The following KLF8 variants were observed in gnomAD, a reference collection of about 807,000 sequenced individuals.
KLF8 encodes the protein Krueppel-like factor 8.
A neutral mutation model predicts 18.2 loss-of-function variants in KLF8; 10 were observed. The ratio of observed to expected loss-of-function variants is 0.55; its 90% CI spans 0.34 to 0.93. KLF8 has a LOEUF of 0.93. Among genes scored for constraint, KLF8 ranks in the 40% least tolerant of loss-of-function variants. KLF8 has a pLI of 0.02. For missense variants in KLF8, 264 were observed against 277.9 expected, an observed-to-expected ratio of 0.95 and a Z score of 0.36; for synonymous variants, 109 against 97.3, an observed-to-expected ratio of 1.12 and a Z score of -0.71.
At chrX:56,247,073 T>C (rs1040748048) in intron 1 of KLF8, among the ~76,000 whole-genome samples, 4 of 111,831 alleles carry the variant, frequency 3.6e-5, no homozygotes, top group Non-Finnish European at 5.6e-5. Flanking sequence ...AATACATCCT[T>C]AGACAATTTT....
chrX:56,251,869 G>T (rs1002946138), intron 2 of KLF8, among the ~76,000 whole-genome samples: 9 of 111,437 alleles, frequency 8.1e-5, no homozygotes, highest in Admixed American at 1.9e-4. Context: ...GGAGAATGGG[G>T]TATCCATCCC....
chrX:55,930,121 C>T, the KLF8 span, among the ~76,000 whole-genome samples: 1,505 of 111,093 alleles, frequency 0.014, 12 homozygotes, highest in Non-Finnish European at 0.023. Context: ...TGGATTCCTA[C>T]GTTTTTTATT....
the KLF8 span, among the ~76,000 whole-genome samples, chrX:55,945,612 C>T: frequency 1.8e-5 from 2 of 111,123 alleles, no homozygotes; most frequent in African/African-American, 6.6e-5. Context: ...CACTCCTATT[C>T]AACATAGTGT....
chrX:56,268,080 A>C (rs2066994388), intron 3 of KLF8: 1 of 110,949 alleles, frequency 9.0e-6, no homozygotes, highest in East Asian at 2.8e-4. Context: ...GGCATATTTC[A>C]CTTAACATAA....
the KLF8 span, among the ~76,000 whole-genome samples, chrX:55,995,506 G>A: frequency 8.9e-6 from 1 of 111,975 alleles, no homozygotes; most frequent in Admixed American, 9.4e-5. Context: ...GTGTTTTTGT[G>A]GTGGCCAGTA....
chrX:56,089,072 A>G, the KLF8 span, among the ~76,000 whole-genome samples: 1 of 111,191 alleles, frequency 9.0e-6, no homozygotes, highest in Non-Finnish European at 1.9e-5. Context: ...ATTACTTACT[A>G]GTTTTATAAA....
the KLF8 span, among the ~76,000 whole-genome samples, chrX:56,034,820 T>A: frequency 1.1e-5 from 1 of 90,773 alleles, no homozygotes; most frequent in Non-Finnish European, 2.1e-5. Context: ...CAGTGGCGCG[T>A]TCTCGGCTCA....
At chrX:56,267,535 A>G (rs907763524) in intron 3 of KLF8, 1 of 110,833 alleles carries the variant, frequency 9.0e-6, no homozygotes, top group Non-Finnish European at 1.9e-5. Context: ...GAGAGATACA[A>G]TTCAAGTTGA....
intron 2 of KLF8, among the ~76,000 whole-genome samples, chrX:56,251,321 G>A (rs1434253531): frequency 8.9e-6 from 1 of 111,950 alleles, no homozygotes; most frequent in African/African-American, 3.2e-5. Context: ...ATCACCTATA[G>A]ACTTGAGTAT....
the KLF8 span, among the ~76,000 whole-genome samples, chrX:56,044,041 A>C: frequency 8.9e-6 from 1 of 111,843 alleles, no homozygotes; most frequent in African/African-American, 3.3e-5. Flanking sequence ...TTTTTTGAAC[A>C]GTCAGGCCAC....
At chrX:56,080,418 G>A in the KLF8 span, among the ~76,000 whole-genome samples, 252 of 110,712 alleles carry the variant, frequency 2.3e-3, 2 homozygotes, top group Non-Finnish European at 5.5e-4. Flanking sequence ...AGCTTAGTTT[G>A]GCTGGATATG....
At chrX:56,083,860 G>A in the KLF8 span, among the ~76,000 whole-genome samples, 1 of 111,587 alleles carries the variant, frequency 9.0e-6, no homozygotes, top group Non-Finnish European at 1.9e-5. Context: ...GATAATCTGA[G>A]GTGGAACAGC....
At chrX:56,006,080 AG>A in the KLF8 span, among the ~76,000 whole-genome samples, 1 of 112,210 alleles carries the variant, frequency 8.9e-6, no homozygotes, top group Non-Finnish European at 1.9e-5. Flanking sequence ...AGTCCCCTTA[AG>A]GCTAAAGTCT....
At chrX:56,187,199 C>T in the KLF8 span, among the ~76,000 whole-genome samples, 5 of 111,532 alleles carry the variant, frequency 4.5e-5, no homozygotes, top group African/African-American at 6.5e-5. Context: ...ATATCACCAT[C>T]GATCCCACAG....
the KLF8 span, among the ~76,000 whole-genome samples, chrX:56,177,173 G>T: frequency 9.0e-6 from 1 of 111,566 alleles, no homozygotes; most frequent in African/African-American, 3.3e-5. Context: ...AGGAGGAGAG[G>T]CGCTCTGATT....
the KLF8 span, among the ~76,000 whole-genome samples, chrX:56,144,598 A>T: frequency 1.9e-5 from 2 of 106,644 alleles, no homozygotes; most frequent in African/African-American, 3.4e-5. Context: ...AAATACAAAC[A>T]AAAACTTAGC....
the KLF8 span, among the ~76,000 whole-genome samples, chrX:56,054,877 T>A: frequency 2.7e-5 from 3 of 112,225 alleles, no homozygotes; most frequent in Non-Finnish European, 5.6e-5. Context: ...GTTTAAAATT[T>A]GTTTTGCCTG....
chrX:56,061,004 A>C, the KLF8 span, among the ~76,000 whole-genome samples: 1 of 111,399 alleles, frequency 9.0e-6, no homozygotes, highest in African/African-American at 3.3e-5. Flanking sequence ...GTATTCTCTG[A>C]TGGTAGTTTG....
chrX:55,975,838 G>A, the KLF8 span, among the ~76,000 whole-genome samples: 4 of 111,706 alleles, frequency 3.6e-5, no homozygotes, highest in Non-Finnish European at 7.5e-5. Flanking sequence ...GGCCAGGCGC[G>A]GTGGCTTACG....
Sources: gnomAD v4.1 joint callset for allele counts (sites outside exome capture counted in the v4.1 genomes callset) on GRCh38, gnomAD v4.1.1 for gene constraint, MANE v1.5 for transcripts, NCBI Gene and HGNC (gene_info 2026-07-23, HGNC 2026-07-21) for gene names.